The following LPP variants were observed in gnomAD, a reference collection of about 807,000 sequenced individuals.
LPP encodes LIM domain containing preferred translocation partner in lipoma, also known as lipoma-preferred partner.
LPP carries 38 observed loss-of-function variants against 60.4 expected under a neutral mutation model. That is an observed-to-expected ratio of 0.63 (90% CI 0.49 to 0.83). The LOEUF (loss-of-function observed/expected upper bound fraction) is 0.83, where lower values mean the gene tolerates loss of function less well. Among genes scored for constraint, LPP ranks in the 40% least tolerant of loss-of-function variants. The pLI is 0.00. For missense variants in LPP, 902 were observed against 783.6 expected, an observed-to-expected ratio of 1.15 and a Z score of -1.80; for synonymous variants, 328 against 290.8, an observed-to-expected ratio of 1.13 and a Z score of -1.30.
rs1373986771 is a variant in LPP at position 188,770,722 on chromosome 3, GAGA to G, written c.1410+10441_1410+10443del. Among the ~76,000 whole-genome samples the G allele has an allele frequency of 3.9e-5, 6 of 152,270 alleles. No individual in the cohort carries two copies. In the East Asian group the frequency reaches 1.2e-3, roughly 29 times the overall value. On this transcript the variant is annotated intron_variant, in intron 9 of 11. Coordinates refer to ENST00000617246, the MANE Select transcript of LPP (RefSeq NM_001375462.1). ...AAATAAATTCAAAGATTCTAGATAT[GAGA>G]GTCTTTTACGTAGTGGGGTTGGTAT...
intron 2 of LPP, among the ~76,000 whole-genome samples, chr3:188,316,171 C>T (rs1256037829): frequency 3.9e-5 from 6 of 151,990 alleles, no homozygotes; most frequent in South Asian, 2.1e-4. Flanking sequence ...CCAGCTACTC[C>T]GGAGGCTGAG....
chr3:188,553,655 T>C (rs1035077768), intron 6 of LPP: 10 of 152,224 alleles, frequency 6.6e-5, no homozygotes, highest in Admixed American at 1.3e-4. Flanking sequence ...ATGCAGAAGA[T>C]GAACTGGTGA....
chr3:188,485,526 G>C (rs1056207747), intron 5 of LPP, among the ~76,000 whole-genome samples: 1 of 152,076 alleles, frequency 6.6e-6, no homozygotes, highest in African/African-American at 2.4e-5. Flanking sequence ...GGCCGGGCGC[G>C]GTGGCTCACG....
intron 6 of LPP, among the ~76,000 whole-genome samples, chr3:188,573,944 A>G (rs1340373271): frequency 1.3e-5 from 2 of 152,162 alleles, no homozygotes; most frequent in Non-Finnish European, 2.9e-5. Flanking sequence ...AAGGGGGAAA[A>G]GGAGAAATAT....
intron 4 of LPP, among the ~76,000 whole-genome samples, chr3:188,458,181 C>G (rs1289541328): frequency 6.6e-6 from 1 of 152,096 alleles, no homozygotes; most frequent in African/African-American, 2.4e-5. Flanking sequence ...GCACATTTTC[C>G]AGCTTCTGAA....
chr3:188,576,838 C>T (rs1026494375), intron 6 of LPP, among the ~76,000 whole-genome samples: 4 of 152,278 alleles, frequency 2.6e-5, no homozygotes, highest in South Asian at 2.1e-4. Flanking sequence ...CAGTTCAAAA[C>T]GATGAAGAGA....
At chr3:188,184,359 AG>A (rs1725950120) in intron 1 of LPP, among the ~76,000 whole-genome samples, 5 of 152,186 alleles carry the variant, frequency 3.3e-5, no homozygotes, top group Admixed American at 3.3e-4. Context: ...CTCCCCATCC[AG>A]GAGGGAAGGG....
chr3:188,607,578 A>G (rs922733973), intron 6 of LPP, among the ~76,000 whole-genome samples: 2 of 151,864 alleles, frequency 1.3e-5, no homozygotes, highest in South Asian at 2.1e-4. Context: ...TACATAGTGA[A>G]TCTTTTCTAC....
rs550341505 is a variant in LPP, at chr3:188,508,446, A to G, written c.307-16219A>G. Among the ~76,000 whole-genome samples the G allele has an allele frequency of 8.5e-5, 13 of 152,360 alleles. No homozygotes were observed. In the South Asian group the frequency reaches 2.5e-3, roughly 29 times the overall value. On this transcript the variant is annotated intron_variant, in intron 5 of 11. Coordinates refer to ENST00000617246, the MANE Select transcript of LPP (RefSeq NM_001375462.1). ...AGCTCTGCCTAGACAAAATTGTAGC[A>G]GTAGGGTGAGAATAATGCATTGCTA...
chr3:188,605,375 A>G, intron 6 of LPP, among the ~76,000 whole-genome samples: 1 of 152,168 alleles, frequency 6.6e-6, no homozygotes, highest in South Asian at 2.1e-4. Flanking sequence ...AGTCTCAGAA[A>G]TGATTCCCAG....
intron 9 of LPP, among the ~76,000 whole-genome samples, chr3:188,825,199 T>A (rs1277253910): frequency 6.6e-6 from 1 of 152,040 alleles, no homozygotes; most frequent in Non-Finnish European, 1.5e-5. Flanking sequence ...ATAGTGACCA[T>A]CTGTGCTGCC....
intron 3 of LPP, among the ~76,000 whole-genome samples, chr3:188,377,017 A>G (rs1578443643): frequency 6.6e-6 from 1 of 152,154 alleles, no homozygotes; most frequent in East Asian, 1.9e-4. Context: ...TTTCTTTAAG[A>G]ATGTTGAATA....
At chr3:188,265,998 T>C (rs1479664291) in intron 2 of LPP, among the ~76,000 whole-genome samples, 2 of 152,140 alleles carry the variant, frequency 1.3e-5, no homozygotes, top group African/African-American at 2.4e-5. Context: ...TGTCTTTATA[T>C]GTCTTTACTT....
At chr3:188,193,551 T>C (rs750017773) in intron 1 of LPP, among the ~76,000 whole-genome samples, 1 of 152,226 alleles carries the variant, frequency 6.6e-6, no homozygotes, top group Non-Finnish European at 1.5e-5. Context: ...TTTTATAAAC[T>C]TGCCCTGCTT....
intron 3 of LPP, among the ~76,000 whole-genome samples, chr3:188,389,005 C>T (rs6773568): frequency 4.6e-5 from 7 of 152,210 alleles, no homozygotes; most frequent in Non-Finnish European, 2.9e-5. Flanking sequence ...CCTGACAAAT[C>T]GTGTCCCATG....
chr3:188,462,238 A>C (rs767772622), intron 4 of LPP, among the ~76,000 whole-genome samples: 52 of 151,336 alleles, frequency 3.4e-4, no homozygotes, highest in Admixed American at 1.4e-3. Flanking sequence ...AGACATTATT[A>C]TTATTATTAT....
chr3:188,369,226 C>T (rs1488743449), intron 3 of LPP, among the ~76,000 whole-genome samples: 1 of 152,036 alleles, frequency 6.6e-6, no homozygotes, highest in Non-Finnish European at 1.5e-5. Flanking sequence ...GCAACAAAAA[C>T]AGTTCTTATG....
intron 2 of LPP, chr3:188,240,287 TACAGCTTGCCTA>T: frequency 5.9e-6 from 1 of 169,164 alleles, no homozygotes; most frequent in East Asian, 1.1e-4. Context: ...AGGAATAGCT[TACAGCTTGCCTA>T]ACAAGGTTGT....
At chr3:188,370,588 G>A (rs1772745205) in intron 3 of LPP, among the ~76,000 whole-genome samples, 1 of 152,174 alleles carries the variant, frequency 6.6e-6, no homozygotes, top group Non-Finnish European at 1.5e-5. Context: ...TGCAAGATAT[G>A]ATGCAGGCTA....
Sources: gnomAD v4.1 joint callset for allele counts (sites outside exome capture counted in the v4.1 genomes callset) on GRCh38, gnomAD v4.1.1 for gene constraint, MANE v1.5 for transcripts, NCBI Gene and HGNC (gene_info 2026-07-23, HGNC 2026-07-21) for gene names.